The following POLI variants were observed in gnomAD, a reference collection of about 807,000 sequenced individuals.
POLI encodes DNA polymerase iota.
Under a neutral mutation model 51.6 loss-of-function variants are expected in POLI, and 58 were observed. The observed-to-expected ratio is 1.12, with a 90% CI of 0.91 to 1.40. The LOEUF (loss-of-function observed/expected upper bound fraction) is 1.40, where lower values mean the gene tolerates loss of function less well. POLI is among the 40% of genes most tolerant of loss of function. The pLI, the probability that POLI is intolerant of heterozygous loss-of-function variation, is 0.00. For synonymous variants in POLI, 322 were observed against 299.7 expected (o/e 1.07, Z -0.77); for missense variants, 921 against 871.3 (o/e 1.06, Z -0.72).
At chr18:54,284,130 G>T (rs558456892) in intron 7 of POLI, 117 bp downstream of exon 7, 2 of 508,288 alleles carry the variant, frequency 3.9e-6, no homozygotes, top group South Asian at 6.1e-5. Flanking sequence ...ACTAAACAAT[G>T]TAAAAATAAT....
intron 3 of POLI, among the ~76,000 whole-genome samples, chr18:54,310,679 A>G (rs973712671): frequency 1.4e-4 from 22 of 152,168 alleles, no homozygotes; most frequent in African/African-American, 4.3e-4. Context: ...TAGATATACT[A>G]AAGTCCTCAA....
chr18:54,294,583 T>A lies in POLI; in HGVS notation c.*116T>A. ...GATATTCAATAACGGAGTAAACTGT[T>A]CCAGATAAAGCAAGAATAGTTGCAA... On this transcript the variant is annotated 3_prime_UTR_variant, in exon 10 of 10. Coordinates refer to ENST00000579534, the MANE Select transcript of POLI (RefSeq NM_007195.3). The A allele has an allele frequency of 7.5e-7, 1 of 1,340,812 alleles. No individual in the cohort carries two copies. The allele number at this position is 1,340,812 out of a possible 1,614,324, so 83.1% of individuals were successfully genotyped here.
At position 54,291,448 on chromosome 18, in the gene POLI, C is replaced by T. The variant is rs1175997183; in HGVS notation, c.1199-385C>T. 3 of 169,598 alleles carry T rather than the reference C, an allele frequency of 1.8e-5. No homozygotes were observed. In the Admixed American group the frequency reaches 1.8e-4, roughly 10 times the overall value. 10.5% of individuals were successfully genotyped at this position (169,598 alleles called of 1,614,324 possible). On this transcript the variant is annotated intron_variant, in intron 8 of 9. Coordinates refer to ENST00000579534, the MANE Select transcript of POLI (RefSeq NM_007195.3). ...CTATGTAAAGGGACATTCGAACAGT[C>T]CCAGACAGTGAAGCTGCTATCTCCT...
At position 54,294,815 on chromosome 18, in the gene POLI, ATT is replaced by A. The variant is rs34024782; in HGVS notation, c.*363_*364del. The A allele has an allele frequency of 0.095, 84,423 of 891,730 alleles. 5,438 individuals are homozygous for A. The highest frequency in any genetic ancestry group is 0.46 in the African/African-American group (25,106 of 54,450). 55.2% of individuals were successfully genotyped at this position (891,730 alleles called of 1,614,324 possible). On this transcript the variant is annotated 3_prime_UTR_variant, in exon 10 of 10. Transcript: ENST00000579534. ...GTTGCAATGATATGGTAAAGGACAC[ATT>A]TTTTTTTTTTTTTTCCTGTGAAATG...
At chr18:54,284,419 C>T (rs572564768) in intron 7 of POLI, among the ~76,000 whole-genome samples, 4 of 152,154 alleles carry the variant, frequency 2.6e-5, no homozygotes, top group African/African-American at 9.7e-5. Flanking sequence ...AAGTTAGTAC[C>T]ATGCTAAATA....
At position 54,269,559 on chromosome 18, in the gene POLI, G is replaced by A. The variant is rs2086900641; in HGVS notation, c.13G>A (p.Gly5Arg). The A allele has an allele frequency of 9.3e-6, 14 of 1,502,594 alleles. No individual in the cohort carries two copies. Among genetic ancestry groups the A allele is most frequent in the African/African-American group, 1.6e-5 (1 of 62,854 alleles). 93.1% of individuals were successfully genotyped at this position (1,502,594 alleles called of 1,614,324 possible). A position where few individuals can be genotyped will look rare whatever the true frequency, so the allele number is the denominator to read the frequency against. Residue 5 changes from glycine (G) to arginine (R), a missense_variant, in exon 1 of 10, where the codon GGG becomes AGG. Transcript: ENST00000579534. MEKL[G>R]VEPEEEGGGD... ...TGGCAGCGGCGGGATGGAGAAGCTG[G>A]GGGTGGAGCCGGAGGAGGAAGGCGG...
chr18:54,294,159 A>T lies in POLI; in HGVS notation c.1915A>T (p.Lys639Ter). ...AGATGAACGAATAAGTCAAGGACCT[A>T]AAGAACCTCAAGGATTCCACTTTAC... ...LKDERISQGP[K>*]EPQGFHFTNS... The change falls in exon 10 of 10, where the codon AAA becomes TAA. Residue 639 changes from lysine to a stop codon, truncating the protein, a stop_gained. Transcript: ENST00000579534. LOFTEE classifies it low-confidence loss of function (END_TRUNC). 6.2e-7 allele frequency: 1 copy of T among 1,611,938 alleles called. No homozygotes were observed. The highest frequency in any genetic ancestry group is 8.5e-7 in the Non-Finnish European group (1 of 1,178,208).
chr18:54,272,825 C>T (rs975185194), intron 2 of POLI, among the ~76,000 whole-genome samples: 24 of 151,670 alleles, frequency 1.6e-4, no homozygotes, highest in African/African-American at 5.8e-4. Flanking sequence ...TTAAAGGACT[C>T]CTTTTTTTAG....
At chr18:54,270,104 C>T (rs905927290) in intron 1 of POLI, 20 of 918,488 alleles carry the variant, frequency 2.2e-5, no homozygotes, top group Non-Finnish European at 2.5e-5. Context: ...CCGCTGTGGT[C>T]ACGTCTCCGG....
chr18:54,280,032 A>G (rs1450301689), intron 4 of POLI, among the ~76,000 whole-genome samples: 3 of 152,208 alleles, frequency 2.0e-5, no homozygotes, highest in Non-Finnish European at 4.4e-5. Flanking sequence ...AGTCACTATC[A>G]CAGGCCCTTG....
At chr18:54,313,047 G>A (rs1013915046) in intron 3 of POLI, among the ~76,000 whole-genome samples, 4 of 152,094 alleles carry the variant, frequency 2.6e-5, no homozygotes, top group African/African-American at 9.7e-5. Context: ...CGAGATGGGT[G>A]TTTCCTAGAT....
intron 8 of POLI, among the ~76,000 whole-genome samples, chr18:54,289,465 T>C (rs913024557): frequency 1.3e-5 from 2 of 152,004 alleles, no homozygotes; most frequent in Admixed American, 1.3e-4. Flanking sequence ...TTCACAGAAT[T>C]GGAAAAAAAT....
chr18:54,312,301 G>A (rs1318054855), intron 3 of POLI, among the ~76,000 whole-genome samples: 2 of 152,130 alleles, frequency 1.3e-5, no homozygotes, highest in Non-Finnish European at 2.9e-5. Context: ...TTTTATGGCT[G>A]TGTAGTATTC....
intron 3 of POLI, among the ~76,000 whole-genome samples, chr18:54,319,496 T>C (rs993707047): frequency 3.3e-5 from 5 of 152,162 alleles, no homozygotes; most frequent in Non-Finnish European, 7.4e-5. Flanking sequence ...AGTCCAGTAA[T>C]GTCTGAATAT....
At chr18:54,320,630 C>G (rs116288199) in intron 4 of POLI, among the ~76,000 whole-genome samples, 3,167 of 151,696 alleles carry the variant, frequency 0.021, 69 homozygotes, top group South Asian at 0.064. Flanking sequence ...AGTGAGATTA[C>G]AAAATCTTTA....
chr18:54,291,805 A>G (rs368907747), intron 8 of POLI, 28 bp from the exon 9 acceptor site: 3 of 1,048,722 alleles, frequency 2.9e-6, no homozygotes, highest in Non-Finnish European at 4.3e-6. Flanking sequence ...TATTAATTAT[A>G]ATGTTTATTC....
At chr18:54,274,497 A>G (rs560730681) in intron 3 of POLI, among the ~76,000 whole-genome samples, 2 of 152,110 alleles carry the variant, frequency 1.3e-5, no homozygotes, top group East Asian at 3.9e-4. Flanking sequence ...TTTGATCAAC[A>G]TAATTAAAAA....
intron 3 of POLI, among the ~76,000 whole-genome samples, chr18:54,318,627 A>AT (rs940690139): frequency 6.6e-6 from 1 of 152,008 alleles, no homozygotes; most frequent in African/African-American, 2.4e-5. Context: ...TTTTCTGATG[A>AT]TTTTTTTCAT....
intron 3 of POLI, among the ~76,000 whole-genome samples, chr18:54,316,315 T>A (rs2088733829): frequency 6.6e-6 from 1 of 152,214 alleles, no homozygotes; most frequent in Admixed American, 6.6e-5. Context: ...CTTTCAACTA[T>A]GGGTAAACAT....
Sources: gnomAD v4.1 joint callset for allele counts (sites outside exome capture counted in the v4.1 genomes callset) on GRCh38, gnomAD v4.1.1 for gene constraint, MANE v1.5 for transcripts, NCBI Gene and HGNC (gene_info 2026-07-23, HGNC 2026-07-21) for gene names.